Variants in GJB7 observed in about 807,000 individuals in gnomAD.
The protein encoded by GJB7 is gap junction beta-7 protein.
For synonymous variants in GJB7, 87 were observed against 95.2 expected (o/e 0.91, Z 0.50); for missense variants, 253 against 256.8 (o/e 0.99, Z 0.10).
intron 2 of GJB7, among the ~76,000 whole-genome samples, chr6:87,306,573 G>A (rs957030566): frequency 1.3e-5 from 2 of 152,090 alleles, no homozygotes; most frequent in African/African-American, 2.4e-5. Context: ...TTACACTGTT[G>A]ATGGGACCGT....
chr6:87,304,261 C>T (rs1048041154), intron 2 of GJB7, among the ~76,000 whole-genome samples: 1 of 151,962 alleles, frequency 6.6e-6, no homozygotes. Context: ...AAAAGATCAA[C>T]AAAATTGATA....
chr6:87,294,047 C>A (rs1776215873), intron 2 of GJB7, among the ~76,000 whole-genome samples: 1 of 152,206 alleles, frequency 6.6e-6, no homozygotes, highest in Admixed American at 6.5e-5. Flanking sequence ...CCACCTCCAT[C>A]TTTGGTTTGG....
At chr6:87,316,909 A>T (rs1050983229) in intron 2 of GJB7, among the ~76,000 whole-genome samples, 1 of 152,174 alleles carries the variant, frequency 6.6e-6, no homozygotes, top group Non-Finnish European at 1.5e-5. Context: ...CTCTGACCTG[A>T]AACATCCTTT....
intron 2 of GJB7, among the ~76,000 whole-genome samples, chr6:87,305,385 G>A (rs1373728854): frequency 6.6e-6 from 1 of 151,860 alleles, no homozygotes; most frequent in Non-Finnish European, 1.5e-5. Context: ...ACCAATAACA[G>A]ACAAACATAG....
chr6:87,284,930 A>C lies in GJB7; in HGVS notation c.-18T>G, dbSNP rs147920039. On this transcript the variant is annotated 5_prime_UTR_variant, in exon 3 of 3. Coordinates refer to ENST00000525899, the MANE Select transcript of GJB7 (RefSeq NM_198568.3). The stretch of plus-strand genomic sequence containing the variant: ...CAACTCATGACTTAGGCTCAAAAGA[A>C]GGCAAGACTCTGCAAAATAAGACAA... 1.6e-3 allele frequency: 2,525 copies of C among 1,586,810 alleles called. 2 individuals are homozygous for C. Among genetic ancestry groups the C allele is most frequent in the Non-Finnish European group, 2.0e-3 (2,349 of 1,162,472 alleles).
intron 1 of GJB7, among the ~76,000 whole-genome samples, chr6:87,328,202 T>G (rs200431735): frequency 2.0e-5 from 3 of 152,214 alleles, no homozygotes; most frequent in African/African-American, 7.2e-5. Flanking sequence ...TGGTTTGAAT[T>G]TCCTCCCGTA....
intron 1 of GJB7, among the ~76,000 whole-genome samples, chr6:87,328,723 C>G (rs1156658307): frequency 6.6e-6 from 1 of 152,168 alleles, no homozygotes; most frequent in African/African-American, 2.4e-5. Flanking sequence ...GTGCCCTGCC[C>G]CCAGAGGTGG....
chr6:87,306,086 C>A (rs1214025256), intron 2 of GJB7, among the ~76,000 whole-genome samples: 2 of 151,724 alleles, frequency 1.3e-5, no homozygotes, highest in Non-Finnish European at 2.9e-5. Context: ...AGAAGAAAAC[C>A]TAGGCATTAC....
chr6:87,305,213 T>C (rs1284902435), intron 2 of GJB7, among the ~76,000 whole-genome samples: 3 of 152,070 alleles, frequency 2.0e-5, no homozygotes, highest in African/African-American at 7.3e-5. Flanking sequence ...GGGTATTCAA[T>C]TAGGAAAAGA....
At chr6:87,297,015 T>G (rs560023930) in intron 2 of GJB7, among the ~76,000 whole-genome samples, 2 of 152,362 alleles carry the variant, frequency 1.3e-5, no homozygotes, top group South Asian at 4.1e-4. Flanking sequence ...GTTCTCATAG[T>G]AACATGTTTC....
chr6:87,329,081 G>C (rs1200404784), intron 1 of GJB7, 57 bp downstream of exon 1: 1 of 153,014 alleles, frequency 6.5e-6, no homozygotes, highest in Non-Finnish European at 1.5e-5. Context: ...TGCACTTCCC[G>C]AGTGAGGCAA....
At chr6:87,321,106 C>A (rs1003568665) in intron 2 of GJB7, among the ~76,000 whole-genome samples, 3 of 151,866 alleles carry the variant, frequency 2.0e-5, no homozygotes, top group African/African-American at 7.3e-5. Flanking sequence ...GTAGTCCCAG[C>A]TACTCGGGAG....
intron 2 of GJB7, among the ~76,000 whole-genome samples, chr6:87,318,611 GT>G (rs150784001): frequency 0.015 from 2,271 of 152,210 alleles, 41 homozygotes; most frequent in African/African-American, 0.052. Flanking sequence ...AGCTTATTTT[GT>G]GTGACATTTG....
intron 2 of GJB7, among the ~76,000 whole-genome samples, chr6:87,318,733 T>A (rs918255668): frequency 6.6e-6 from 1 of 152,206 alleles, no homozygotes; most frequent in Non-Finnish European, 1.5e-5. Context: ...AGGAAGATTT[T>A]TTCAAATTAC....
chr6:87,308,716 A>T (rs1310804704), intron 2 of GJB7, among the ~76,000 whole-genome samples: 4 of 152,170 alleles, frequency 2.6e-5, no homozygotes, highest in Admixed American at 6.5e-5. Flanking sequence ...TATGAATCCC[A>T]AGGAGGATTA....
At chr6:87,328,515 G>C (rs187153837) in intron 1 of GJB7, among the ~76,000 whole-genome samples, 2,261 of 151,666 alleles carry the variant, frequency 0.015, 81 homozygotes, top group African/African-American at 0.051. Flanking sequence ...CCGGCCGTGT[G>C]AGGTATCAGT....
At chr6:87,328,511 G>C (rs1294924967) in intron 1 of GJB7, among the ~76,000 whole-genome samples, 1 of 151,714 alleles carries the variant, frequency 6.6e-6, no homozygotes, top group African/African-American at 2.4e-5. Context: ...GTACCCGGCC[G>C]TGTGAGGTAT....
intron 2 of GJB7, among the ~76,000 whole-genome samples, chr6:87,318,865 G>A (rs185978526): frequency 9.9e-5 from 15 of 152,150 alleles, no homozygotes; most frequent in Admixed American, 8.5e-4. Flanking sequence ...AGAAATAAGT[G>A]CCAGCATTTA....
At chr6:87,305,030 A>G (rs1397781382) in intron 2 of GJB7, among the ~76,000 whole-genome samples, 2 of 152,236 alleles carry the variant, frequency 1.3e-5, no homozygotes, top group Non-Finnish European at 2.9e-5. Flanking sequence ...GTATCTCAAA[A>G]TAATAAGAGC....
Sources: allele counts gnomAD v4.1 joint callset (sites outside exome capture counted in the v4.1 genomes callset), GRCh38; gene constraint gnomAD v4.1.1; transcripts MANE v1.5; gene names NCBI Gene and HGNC (gene_info 2026-07-23, HGNC 2026-07-21).